The following ADGRE3 variants were observed in gnomAD, a reference collection of about 807,000 sequenced individuals.
ADGRE3 encodes the protein adhesion G protein-coupled receptor E3, also known as EGF-like module receptor 3.
In ADGRE3, 88 loss-of-function variants were observed where a neutral mutation model predicts 80.1. That is an observed-to-expected ratio of 1.10 (90% CI 0.93 to 1.31). ADGRE3 has a LOEUF of 1.31. ADGRE3 is among the 40% of genes most tolerant of loss of function. The pLI, the probability that ADGRE3 is intolerant of heterozygous loss-of-function variation, is 0.00. For missense variants in ADGRE3, 715 were observed against 776.5 expected (o/e 0.92, Z 0.94); for synonymous variants, 281 against 294.8 (o/e 0.95, Z 0.48).
the ADGRE3 span, among the ~76,000 whole-genome samples, chr19:14,605,222 C>T: frequency 1.4e-3 from 208 of 152,048 alleles, 6 homozygotes; most frequent in South Asian, 0.042. Context: ...CTCAGCCTCC[C>T]GAGTAGCTGG....
intron 2 of ADGRE3, chr19:14,668,477 T>A: frequency 7.1e-6 from 3 of 425,242 alleles, no homozygotes; most frequent in Non-Finnish European, 8.3e-6. Flanking sequence ...ATCAGAATGA[T>A]AATGATTAGC....
chr19:14,620,548 T>TATATATAATATATATATATA, intron 15 of ADGRE3, among the ~76,000 whole-genome samples: 1 of 24,978 alleles, frequency 4.0e-5, no homozygotes, highest in Non-Finnish European at 6.2e-5. Context: ...TATATATATA[T>TATATATAATATATATATATA]TATATATATA....
chr19:14,643,040 C>T (rs1971295326), intron 9 of ADGRE3, among the ~76,000 whole-genome samples: 1 of 152,164 alleles, frequency 6.6e-6, no homozygotes, highest in African/African-American at 2.4e-5. Context: ...AATTTACAAC[C>T]CCACCAACAG....
intron 6 of ADGRE3, among the ~76,000 whole-genome samples, chr19:14,652,549 G>A (rs1319178779): frequency 1.3e-5 from 2 of 151,894 alleles, no homozygotes; most frequent in Non-Finnish European, 2.9e-5. Context: ...GCAGGCTGAG[G>A]CCAGTTGATT....
intron 2 of ADGRE3, among the ~76,000 whole-genome samples, chr19:14,666,357 T>A (rs1216629069): frequency 4.3e-5 from 6 of 140,036 alleles, no homozygotes; most frequent in Non-Finnish European, 7.6e-5. Context: ...ATGTTGAGCA[T>A]TTTTTCATGT....
At chr19:14,666,785 C>T (rs1225796284) in intron 2 of ADGRE3, among the ~76,000 whole-genome samples, 1 of 152,182 alleles carries the variant, frequency 6.6e-6, no homozygotes, top group Non-Finnish European at 1.5e-5. Context: ...GTGGTACCCT[C>T]TGCCACTCAT....
downstream of ADGRE3, among the ~76,000 whole-genome samples, chr19:14,617,342 CTT>C (rs1491136875): frequency 8.7e-3 from 179 of 20,568 alleles, 1 homozygote; most frequent in African/African-American, 0.019. Context: ...CCCTCCCTCC[CTT>C]TCTTTCTTTC....
chr19:14,642,389 T>C (rs1599624858), intron 9 of ADGRE3, among the ~76,000 whole-genome samples: 1 of 152,166 alleles, frequency 6.6e-6, no homozygotes, highest in Non-Finnish European at 1.5e-5. Flanking sequence ...GCTTGTGCTA[T>C]GCAGTACCAG....
the ADGRE3 span, among the ~76,000 whole-genome samples, chr19:14,609,182 A>C: frequency 6.6e-6 from 1 of 152,140 alleles, no homozygotes; most frequent in Admixed American, 6.6e-5. Context: ...CACCTAAGAC[A>C]CTACCCAACT....
At chr19:14,623,969 G>T (rs1217957010) in intron 15 of ADGRE3, among the ~76,000 whole-genome samples, 1 of 152,120 alleles carries the variant, frequency 6.6e-6, no homozygotes, top group African/African-American at 2.4e-5. Flanking sequence ...AAGCAAGTTT[G>T]TACTAAGACT....
intron 6 of ADGRE3, among the ~76,000 whole-genome samples, chr19:14,651,607 C>T (rs1284608444): frequency 6.6e-6 from 1 of 152,136 alleles, no homozygotes; most frequent in Admixed American, 6.6e-5. Context: ...AGATACAGTT[C>T]TATTTCTAGG....
At chr19:14,615,498 C>T (rs1460850125), downstream of ADGRE3, among the ~76,000 whole-genome samples, 2 of 151,890 alleles carry the variant, frequency 1.3e-5, no homozygotes, top group African/African-American at 2.4e-5. Context: ...TGGTGGCTCA[C>T]GCCTGTAATC....
chr19:14,641,874 A>C (rs924752035), intron 9 of ADGRE3, among the ~76,000 whole-genome samples: 1 of 152,240 alleles, frequency 6.6e-6, no homozygotes, highest in East Asian at 1.9e-4. Flanking sequence ...GACTGCTAAT[A>C]TAGATTGCTA....
At chr19:14,639,775 G>T (rs1178592309) in intron 10 of ADGRE3, among the ~76,000 whole-genome samples, 5 of 152,054 alleles carry the variant, frequency 3.3e-5, no homozygotes, top group Non-Finnish European at 7.4e-5. Context: ...ATAGCTCTCT[G>T]CCCTCCCCCT....
intron 5 of ADGRE3, among the ~76,000 whole-genome samples, chr19:14,657,435 G>T (rs1015595322): frequency 4.6e-5 from 7 of 151,910 alleles, no homozygotes; most frequent in Admixed American, 2.0e-4. Flanking sequence ...TGTCTTTCTT[G>T]GTCTGGGATA....
intron 2 of ADGRE3, among the ~76,000 whole-genome samples, chr19:14,664,624 G>A (rs1972042102): frequency 2.0e-5 from 3 of 152,144 alleles, no homozygotes; most frequent in Admixed American, 2.0e-4. Flanking sequence ...CGGGAGGATT[G>A]CTTGAGCCCA....
At chr19:14,671,634 G>T (rs1051546416) in intron 1 of ADGRE3, among the ~76,000 whole-genome samples, 1 of 151,962 alleles carries the variant, frequency 6.6e-6, no homozygotes, top group Non-Finnish European at 1.5e-5. Flanking sequence ...TTTTCTTCCT[G>T]TAATTCTCAC....
chr19:14,636,769 G>A (rs1971102797), intron 11 of ADGRE3, among the ~76,000 whole-genome samples: 1 of 151,958 alleles, frequency 6.6e-6, no homozygotes, highest in Non-Finnish European at 1.5e-5. Flanking sequence ...TCCCTTTACT[G>A]CTCTATAGGT....
At chr19:14,605,159 G>A in the ADGRE3 span, among the ~76,000 whole-genome samples, 1 of 151,344 alleles carries the variant, frequency 6.6e-6, no homozygotes, top group Admixed American at 6.6e-5. Context: ...GTGCACTGTC[G>A]CGATCTCAGC....
Sources: gnomAD v4.1 joint callset for allele counts (sites outside exome capture counted in the v4.1 genomes callset) on GRCh38, gnomAD v4.1.1 for gene constraint, MANE v1.5 for transcripts, NCBI Gene and HGNC (gene_info 2026-07-23, HGNC 2026-07-21) for gene names.